ADAMTSL1: variants seen among roughly 807,000 people sequenced by gnomAD.
The protein encoded by ADAMTSL1 is ADAMTS-like protein 1.
Under a neutral mutation model 201.8 loss-of-function variants are expected in ADAMTSL1, and 126 were observed. That is an observed-to-expected ratio of 0.62 (90% confidence interval 0.54 to 0.72). The LOEUF (loss-of-function observed/expected upper bound fraction) is 0.72, where lower values mean the gene tolerates loss of function less well. ADAMTSL1 is among the 30% of genes least tolerant of loss of function. The pLI, the probability that ADAMTSL1 is intolerant of heterozygous loss-of-function variation, is 0.00. For missense variants in ADAMTSL1, 2,679 were observed against 2,277.8 expected (o/e 1.18, Z -3.59); for synonymous variants, 1,121 against 903.4 (o/e 1.24, Z -4.32).
intron 7 of ADAMTSL1, among the ~76,000 whole-genome samples, chr9:18,642,572 C>A (rs564979872): frequency 6.6e-6 from 1 of 151,930 alleles, no homozygotes; most frequent in African/African-American, 2.4e-5. Context: ...CCAACATTTC[C>A]CCCACAGTTC....
At chr9:18,665,702 C>T (rs561293845) in intron 9 of ADAMTSL1, among the ~76,000 whole-genome samples, 2 of 152,046 alleles carry the variant, frequency 1.3e-5, no homozygotes, top group South Asian at 2.1e-4. Flanking sequence ...TTTTTTGTTC[C>T]TCCTCCTTAC....
chr9:18,774,234 A>T (rs1351495265), intron 17 of ADAMTSL1, among the ~76,000 whole-genome samples: 4 of 151,538 alleles, frequency 2.6e-5, no homozygotes, highest in Non-Finnish European at 5.9e-5. Context: ...TTCTCAAAAC[A>T]CCTCTTTCAT....
At chr9:18,315,758 A>C (rs1372871181) in intron 2 of ADAMTSL1, among the ~76,000 whole-genome samples, 1 of 152,176 alleles carries the variant, frequency 6.6e-6, no homozygotes, top group Non-Finnish European at 1.5e-5. Context: ...GGCCTCAGCC[A>C]ACCTAGAGAG....
intron 1 of ADAMTSL1, among the ~76,000 whole-genome samples, chr9:18,149,207 T>C (rs1444995506): frequency 2.0e-5 from 3 of 151,904 alleles, no homozygotes; most frequent in African/African-American, 4.8e-5. Context: ...GAGTCAGACT[T>C]ACCGAGATAA....
chr9:18,110,105 C>T (rs1185566699), intron 1 of ADAMTSL1, among the ~76,000 whole-genome samples: 1 of 152,100 alleles, frequency 6.6e-6, no homozygotes, highest in African/African-American at 2.4e-5. Flanking sequence ...TCAAGTCTTT[C>T]CTCTTTCCCT....
At chr9:18,694,830 C>A (rs543374057) in intron 13 of ADAMTSL1, among the ~76,000 whole-genome samples, 41 of 152,346 alleles carry the variant, frequency 2.7e-4, no homozygotes, top group African/African-American at 9.6e-4. Context: ...CATTTCCCAT[C>A]CATACTGTTC....
intron 2 of ADAMTSL1, among the ~76,000 whole-genome samples, chr9:18,216,864 A>C (rs1830075500): frequency 6.6e-6 from 1 of 152,106 alleles, no homozygotes; most frequent in Non-Finnish European, 1.5e-5. Flanking sequence ...CGCTGGAGCC[A>C]CACCAGCTAC....
At chr9:18,374,847 T>A (rs1397913812) in intron 2 of ADAMTSL1, among the ~76,000 whole-genome samples, 1 of 152,194 alleles carries the variant, frequency 6.6e-6, no homozygotes, top group Non-Finnish European at 1.5e-5. Context: ...CCTCTCCATT[T>A]TCACATCACT....
chr9:18,550,889 T>C (rs1279419046), intron 3 of ADAMTSL1, among the ~76,000 whole-genome samples: 1 of 151,966 alleles, frequency 6.6e-6, no homozygotes, highest in Non-Finnish European at 1.5e-5. Context: ...AAGATCCCTC[T>C]TGTATTTGGG....
chr9:18,665,553 C>G (rs1185938686), intron 9 of ADAMTSL1, among the ~76,000 whole-genome samples: 2 of 152,112 alleles, frequency 1.3e-5, no homozygotes, highest in Non-Finnish European at 2.9e-5. Context: ...TAGGAATTGT[C>G]TCAAATCAAC....
At chr9:18,657,870 C>A in intron 8 of ADAMTSL1, 120 bp downstream of exon 8, 1 of 773,106 alleles carries the variant, frequency 1.3e-6, no homozygotes, top group Non-Finnish European at 2.1e-6. Context: ...CAGATCCTTT[C>A]TTCTGAACAG....
chr9:18,446,959 A>G (rs1201792320), intron 2 of ADAMTSL1, among the ~76,000 whole-genome samples: 1 of 149,600 alleles, frequency 6.7e-6, no homozygotes, highest in Non-Finnish European at 1.5e-5. Flanking sequence ...AAAATTTCAA[A>G]TTAACATGAA....
rs1290580338 is a variant in ADAMTSL1, at chr9:18,751,150, A to G, written c.2007-2148A>G. On this transcript the variant is annotated intron_variant, in intron 15 of 28. Coordinates refer to ENST00000380548, the MANE Select transcript of ADAMTSL1 (RefSeq NM_001040272.6). ...AATGTATGGATGTATCTTAAAACCA[A>G]TAACACCACAATGTTTTAAAGCTTA... Among the ~76,000 whole-genome samples, 3 of 152,232 alleles carry G rather than the reference A, an allele frequency of 2.0e-5. No homozygotes were observed. In the South Asian group the frequency reaches 6.2e-4, roughly 32 times the overall value.
chr9:18,013,683 C>T (rs1001257122), intron 1 of ADAMTSL1, among the ~76,000 whole-genome samples: 3 of 151,966 alleles, frequency 2.0e-5, no homozygotes, highest in Non-Finnish European at 2.9e-5. Flanking sequence ...TGAAAAATAA[C>T]AGCACTTAGC....
intron 4 of ADAMTSL1, among the ~76,000 whole-genome samples, chr9:18,606,065 G>T (rs1824992003): frequency 6.6e-6 from 1 of 152,132 alleles, no homozygotes; most frequent in Non-Finnish European, 1.5e-5. Context: ...TGGCGAGAAG[G>T]TCTCTGCAGG....
chr9:18,889,490 C>A, intron 24 of ADAMTSL1, 78 bp from the exon 25 acceptor site: 1 of 1,500,322 alleles, frequency 6.7e-7, no homozygotes, highest in Non-Finnish European at 9.1e-7. Context: ...CACCTTCTCC[C>A]TGCCCTGCTC....
chr9:17,991,579 T>A (rs1248710735), intron 1 of ADAMTSL1, among the ~76,000 whole-genome samples: 1 of 152,074 alleles, frequency 6.6e-6, no homozygotes, highest in Non-Finnish European at 1.5e-5. Context: ...TCTTTCAGAT[T>A]CCTTCTCTGG....
Position 18,413,143 on chromosome 9 carries a change from A to G in ADAMTSL1, c.208-91686A>G, listed in dbSNP as rs561227196. 7.8e-3 allele frequency among the ~76,000 whole-genome samples: 770 copies of G among 99,136 alleles called. 26 individuals are homozygous for G. In the Admixed American group the frequency reaches 0.099, roughly 13 times the overall value. The allele number at this position is 99,136 out of a possible 152,430, so 65.0% of individuals were successfully genotyped here. A position where few individuals can be genotyped will look rare whatever the true frequency, so the allele number is the denominator to read the frequency against. On this transcript the variant is annotated intron_variant, in intron 2 of 29. Transcript: ENST00000680146. ...TTATTTACCTGTAAGTTCTCTAAGGATAATTTTTTTTTTTTTTTTTTTGAG... is the reference window on the plus strand; with the variant it reads ...TTATTTACCTGTAAGTTCTCTAAGGGTAATTTTTTTTTTTTTTTTTTTGAG...
chr9:18,894,920 G>A (rs113060742), intron 26 of ADAMTSL1, among the ~76,000 whole-genome samples: 1 of 152,034 alleles, frequency 6.6e-6, no homozygotes, highest in Non-Finnish European at 1.5e-5. Context: ...CTAATGAGTA[G>A]GAAAATTCAC....
Sources: allele counts gnomAD v4.1 joint callset (sites outside exome capture counted in the v4.1 genomes callset), GRCh38; gene constraint gnomAD v4.1.1; transcripts MANE v1.5; gene names NCBI Gene and HGNC (gene_info 2026-07-23, HGNC 2026-07-21).